ANKS1B: variants seen among roughly 807,000 people sequenced by gnomAD.
The protein encoded by ANKS1B is ankyrin repeat and sterile alpha motif domain-containing protein 1B.
Under a neutral mutation model 148.3 loss-of-function variants are expected in ANKS1B, and 36 were observed. The observed-to-expected ratio is 0.24, with a 90% CI of 0.19 to 0.32. ANKS1B has a LOEUF of 0.32. Ranked by LOEUF, ANKS1B falls within the 10% of genes least tolerant of loss-of-function variation. ANKS1B has a pLI of 1.00. For missense variants in ANKS1B, 1,157 were observed against 1,542.6 expected, an observed-to-expected ratio of 0.75 and a Z score of 4.19; for synonymous variants, 542 against 560.8, an observed-to-expected ratio of 0.97 and a Z score of 0.47.
chr12:99,103,734 G>C (rs936425049), intron 15 of ANKS1B, among the ~76,000 whole-genome samples: 1 of 151,832 alleles, frequency 6.6e-6, no homozygotes, highest in Non-Finnish European at 1.5e-5. Flanking sequence ...AATGTTTTTT[G>C]CACCTGCTCT....
intron 1 of ANKS1B, among the ~76,000 whole-genome samples, chr12:99,876,972 AT>A (rs2092129102): frequency 1.3e-5 from 2 of 152,096 alleles, no homozygotes; most frequent in Admixed American, 1.3e-4. Flanking sequence ...AGATGCAACC[AT>A]GTTAAATTGG....
chr12:99,036,908 G>T (rs1194652610), intron 17 of ANKS1B, among the ~76,000 whole-genome samples: 1 of 152,182 alleles, frequency 6.6e-6, no homozygotes, highest in African/African-American at 2.4e-5. Context: ...GGCTGTGATG[G>T]GTTTATGTGT....
intron 10 of ANKS1B, among the ~76,000 whole-genome samples, chr12:99,501,513 C>T (rs1567222489): frequency 6.6e-6 from 1 of 152,080 alleles, no homozygotes. Context: ...AGTAATAATT[C>T]TTCAGGAATT....
chr12:99,866,231 A>G (rs1282431067), intron 1 of ANKS1B, among the ~76,000 whole-genome samples: 1 of 152,100 alleles, frequency 6.6e-6, no homozygotes, highest in Admixed American at 6.5e-5. Flanking sequence ...AATTAAAGCC[A>G]TTTTGCCTAA....
intron 17 of ANKS1B, among the ~76,000 whole-genome samples, chr12:99,033,752 T>C (rs781245373): frequency 5.3e-5 from 8 of 152,118 alleles, no homozygotes; most frequent in Non-Finnish European, 1.0e-4. Context: ...TTGCTGGTAA[T>C]AATCAGAGCA....
chr12:99,047,460 TAA>T (rs2099963259), intron 17 of ANKS1B, among the ~76,000 whole-genome samples: 1 of 152,116 alleles, frequency 6.6e-6, no homozygotes, highest in Non-Finnish European at 1.5e-5. Flanking sequence ...ATGACAATGA[TAA>T]GTCTCATATT....
chr12:99,013,735 C>A (rs2099940800), intron 17 of ANKS1B, among the ~76,000 whole-genome samples: 1 of 152,022 alleles, frequency 6.6e-6, no homozygotes, highest in South Asian at 2.1e-4. Flanking sequence ...AAGCTGAGAG[C>A]CAAATCATGA....
intron 17 of ANKS1B, among the ~76,000 whole-genome samples, chr12:98,872,720 G>A (rs543620650): frequency 1.3e-5 from 2 of 152,058 alleles, no homozygotes; most frequent in African/African-American, 2.4e-5. Context: ...AGAGACAACC[G>A]TGCTGATACC....
At chr12:99,022,737 A>G (rs962419681) in intron 17 of ANKS1B, among the ~76,000 whole-genome samples, 1 of 151,834 alleles carries the variant, frequency 6.6e-6, no homozygotes, top group East Asian at 1.9e-4. Flanking sequence ...TCCAGGCTGG[A>G]GTGCAGTGGT....
chr12:99,417,849 A>C (rs2094957804), intron 11 of ANKS1B, among the ~76,000 whole-genome samples: 1 of 152,210 alleles, frequency 6.6e-6, no homozygotes, highest in South Asian at 2.1e-4. Context: ...GAAACATATC[A>C]CATACAAAGA....
chr12:99,539,905 T>A (rs542372768), intron 9 of ANKS1B, among the ~76,000 whole-genome samples: 1 of 152,234 alleles, frequency 6.6e-6, no homozygotes, highest in African/African-American at 2.4e-5. Context: ...GATCCACATG[T>A]TGTCCATAAA....
At chr12:99,568,891 C>T (rs1369387525) in intron 9 of ANKS1B, among the ~76,000 whole-genome samples, 2 of 152,208 alleles carry the variant, frequency 1.3e-5, no homozygotes, top group African/African-American at 2.4e-5. Context: ...AACTCAGCTT[C>T]TCTTACTCCC....
intron 17 of ANKS1B, among the ~76,000 whole-genome samples, chr12:99,038,742 C>T (rs2099957075): frequency 6.6e-6 from 1 of 152,212 alleles, no homozygotes; most frequent in Non-Finnish European, 1.5e-5. Flanking sequence ...CACGGTCCTG[C>T]CGCAGGGGAT....
intron 17 of ANKS1B, among the ~76,000 whole-genome samples, chr12:98,981,518 T>C (rs2099910667): frequency 6.6e-6 from 1 of 152,074 alleles, no homozygotes. Context: ...GTATTTTTAG[T>C]GGAGACGGGG....
At chr12:98,848,756 T>TTTTTTTTTTTTTTTTTA (rs1567129301) in intron 17 of ANKS1B, among the ~76,000 whole-genome samples, 6 of 140,598 alleles carry the variant, frequency 4.3e-5, no homozygotes, top group East Asian at 2.1e-4. Context: ...TTTTTTTTTT[T>TTTTTTTTTTTTTTTTTA]GAGACGGAGT....
chr12:99,305,026 G>C (rs1371895992), intron 12 of ANKS1B, among the ~76,000 whole-genome samples: 1 of 152,102 alleles, frequency 6.6e-6, no homozygotes, highest in African/African-American at 2.4e-5. Context: ...TTCCAGTGAG[G>C]CCTCAGGAAG....
chr12:99,047,534 T>C (rs1568550521), intron 17 of ANKS1B, among the ~76,000 whole-genome samples: 1 of 152,126 alleles, frequency 6.6e-6, no homozygotes, highest in Non-Finnish European at 1.5e-5. Flanking sequence ...ATGTGTGTAA[T>C]AATCAAATTG....
At chr12:99,530,991 GCC>G (rs1567286378) in intron 9 of ANKS1B, among the ~76,000 whole-genome samples, 2 of 152,112 alleles carry the variant, frequency 1.3e-5, no homozygotes, top group Non-Finnish European at 2.9e-5. Context: ...ACATATTCCT[GCC>G]TCTGTCTTCT....
At chr12:99,620,681 G>A (rs1432988921) in intron 9 of ANKS1B, among the ~76,000 whole-genome samples, 5 of 152,026 alleles carry the variant, frequency 3.3e-5, no homozygotes, top group African/African-American at 1.2e-4. Flanking sequence ...CTGGTCTTTT[G>A]CACTAACCCA....
Sources: allele counts gnomAD v4.1 joint callset (sites outside exome capture counted in the v4.1 genomes callset), GRCh38; gene constraint gnomAD v4.1.1; transcripts MANE v1.5; gene names NCBI Gene and HGNC (gene_info 2026-07-23, HGNC 2026-07-21).